The following ADCY8 variants were observed in gnomAD, a reference collection of about 807,000 sequenced individuals.
ADCY8 encodes the protein adenylate cyclase type 8.
In ADCY8, 51 loss-of-function variants were observed where a neutral mutation model predicts 119.7. The ratio of observed to expected loss-of-function variants is 0.43; its 90% CI spans 0.34 to 0.54. The LOEUF is 0.54. Among genes scored for constraint, ADCY8 ranks in the 20% least tolerant of loss-of-function variants. ADCY8 has a pLI of 0.03. For synonymous variants in ADCY8, 665 were observed against 651.0 expected, an observed-to-expected ratio of 1.02 and a Z score of -0.33; for missense variants, 1,383 against 1,598.8, an observed-to-expected ratio of 0.87 and a Z score of 2.30.
intron 7 of ADCY8, among the ~76,000 whole-genome samples, chr8:130,885,237 T>A (rs1337808107): frequency 7.0e-6 from 1 of 143,564 alleles, no homozygotes; most frequent in African/African-American, 2.6e-5. Context: ...TTTTTTTTTT[T>A]AGCATTACTC....
intron 12 of ADCY8, among the ~76,000 whole-genome samples, chr8:130,829,870 A>G (rs1327926413): frequency 2.0e-5 from 3 of 152,228 alleles, no homozygotes; most frequent in Non-Finnish European, 4.4e-5. Context: ...AACCAGTTTT[A>G]CAACCCACTG....
In ADCY8 at chr8:131,032,759, C is replaced by T. The variant is rs190784595; in HGVS notation, c.960+6615G>A. 3.4e-4 allele frequency among the ~76,000 whole-genome samples: 52 copies of T among 152,312 alleles called. 2 individuals are homozygous for T. In the East Asian group the frequency reaches 9.5e-3, roughly 28 times the overall value. ...AATAGTCCTTCATAAACAAAACTCA[C>T]ATGATATAATTTGAGTGTGTAAATC... On this transcript the variant is annotated intron_variant, in intron 1 of 17. Transcript: ENST00000286355.
chr8:130,945,132 C>T (rs1288162318), intron 3 of ADCY8, among the ~76,000 whole-genome samples: 2 of 152,064 alleles, frequency 1.3e-5, no homozygotes, highest in Non-Finnish European at 1.5e-5. Flanking sequence ...CAAGGTTCTG[C>T]AGTAATTCAA....
chr8:130,809,854 C>A (rs744901), intron 14 of ADCY8, among the ~76,000 whole-genome samples: 1 of 152,216 alleles, frequency 6.6e-6, no homozygotes, highest in East Asian at 1.9e-4. Flanking sequence ...TTTCAGCATA[C>A]CCCTGGCTGC....
chr8:130,831,444 G>A (rs1311126494), intron 12 of ADCY8, among the ~76,000 whole-genome samples: 1 of 152,198 alleles, frequency 6.6e-6, no homozygotes, highest in African/African-American at 2.4e-5. Context: ...ATTGGAAAAT[G>A]AGGAATGGCC....
chr8:130,923,173 C>T (rs112458893), intron 5 of ADCY8, among the ~76,000 whole-genome samples: 80 of 146,066 alleles, frequency 5.5e-4, no homozygotes, highest in African/African-American at 1.8e-3. Context: ...CAGAGTGAGA[C>T]AAGGGATTTT....
intron 9 of ADCY8, among the ~76,000 whole-genome samples, chr8:130,854,375 A>G (rs770276379): frequency 2.6e-5 from 4 of 152,252 alleles, no homozygotes; most frequent in Non-Finnish European, 5.9e-5. Context: ...TGTCTTTAAA[A>G]TGGTTTGTAT....
At chr8:130,988,311 AG>A (rs1822466627) in intron 2 of ADCY8, among the ~76,000 whole-genome samples, 1 of 152,214 alleles carries the variant, frequency 6.6e-6, no homozygotes, top group African/African-American at 2.4e-5. Context: ...GGGTAAATAA[AG>A]GGTGGTCAAC....
At chr8:130,932,726 G>C (rs1487013743) in intron 5 of ADCY8, among the ~76,000 whole-genome samples, 1 of 152,108 alleles carries the variant, frequency 6.6e-6, no homozygotes, top group Non-Finnish European at 1.5e-5. Flanking sequence ...AATCACAAGA[G>C]AGTCCTATTT....
At chr8:130,960,719 G>A (rs1054118799) in intron 2 of ADCY8, among the ~76,000 whole-genome samples, 1 of 152,022 alleles carries the variant, frequency 6.6e-6, no homozygotes, top group African/African-American at 2.4e-5. Flanking sequence ...ACAAACAGGG[G>A]AAAATTCAAG....
intron 1 of ADCY8, among the ~76,000 whole-genome samples, chr8:131,000,247 C>A (rs1244574807): frequency 2.0e-5 from 3 of 152,012 alleles, no homozygotes; most frequent in African/African-American, 4.8e-5. Context: ...CTGATGGAGA[C>A]CTTTGATATT....
chr8:130,917,836 C>T (rs1299215931), intron 5 of ADCY8, among the ~76,000 whole-genome samples: 6 of 151,294 alleles, frequency 4.0e-5, no homozygotes, highest in Non-Finnish European at 5.9e-5. Flanking sequence ...CGTTAATTTC[C>T]TCTCCTTCCT....
In ADCY8 at chr8:130,856,518, A is replaced by G. The variant is rs538952318; in HGVS notation, c.2211-6715T>C. Among the ~76,000 whole-genome samples the G allele has an allele frequency of 4.6e-5, 7 of 152,188 alleles. No homozygotes were observed. In the South Asian group the frequency reaches 1.5e-3, roughly 32 times the overall value. On this transcript the variant is annotated intron_variant, in intron 9 of 17. Transcript: ENST00000286355. ...TGGCTGAATCCTGCCAGGCCCCACCAACACTCACAGCTCGCCACCCCGAGG... is the reference window on the plus strand; with the variant it reads ...TGGCTGAATCCTGCCAGGCCCCACCGACACTCACAGCTCGCCACCCCGAGG...
intron 8 of ADCY8, among the ~76,000 whole-genome samples, chr8:130,883,101 C>T (rs1818841224): frequency 6.7e-6 from 1 of 150,344 alleles, no homozygotes; most frequent in African/African-American, 2.5e-5. Context: ...GATGTGAATG[C>T]TATTAAATAA....
chr8:131,005,129 C>T (rs762731960), intron 1 of ADCY8, among the ~76,000 whole-genome samples: 1 of 152,106 alleles, frequency 6.6e-6, no homozygotes, highest in Non-Finnish European at 1.5e-5. Flanking sequence ...ATCCTTATCA[C>T]CTAAAGTTAC....
chr8:130,900,433 C>T (rs1266981996), intron 7 of ADCY8, among the ~76,000 whole-genome samples: 2 of 152,132 alleles, frequency 1.3e-5, no homozygotes, highest in Non-Finnish European at 2.9e-5. Flanking sequence ...CCAGAGCCAC[C>T]TCTTACCAAT....
At chr8:130,957,353 G>C (rs1259914512) in intron 2 of ADCY8, among the ~76,000 whole-genome samples, 1 of 152,190 alleles carries the variant, frequency 6.6e-6, no homozygotes, top group Admixed American at 6.5e-5. Flanking sequence ...ATGATTTAGG[G>C]TATCTAAGGG....
intron 13 of ADCY8, among the ~76,000 whole-genome samples, chr8:130,815,174 G>T (rs1489847948): frequency 1.3e-5 from 2 of 152,184 alleles, no homozygotes; most frequent in Non-Finnish European, 2.9e-5. Flanking sequence ...CCAGCCATCT[G>T]CAAGCCAAAT....
At chr8:130,787,270 G>T (rs1815276811) in intron 15 of ADCY8, among the ~76,000 whole-genome samples, 1 of 152,298 alleles carries the variant, frequency 6.6e-6, no homozygotes, top group South Asian at 2.1e-4. Context: ...CCTACTGCAA[G>T]ATCCAGGCAG....
Sources: allele counts gnomAD v4.1 joint callset (sites outside exome capture counted in the v4.1 genomes callset), GRCh38; gene constraint gnomAD v4.1.1; transcripts MANE v1.5; gene names NCBI Gene and HGNC (gene_info 2026-07-23, HGNC 2026-07-21).